Variants in ZNF804A observed in about 807,000 individuals in gnomAD.
The protein encoded by ZNF804A is zinc finger protein 804A.
Under a neutral mutation model 16.5 loss-of-function variants are expected in ZNF804A, and 2 were observed. That is an observed-to-expected ratio of 0.12 (90% CI 0.05 to 0.38). ZNF804A has a LOEUF of 0.38. Ranked by LOEUF, ZNF804A falls within the 10% of genes least tolerant of loss-of-function variation. ZNF804A has a pLI of 0.99. For synonymous variants in ZNF804A, 534 were observed against 489.6 expected (o/e 1.09, Z -1.20); for missense variants, 1,473 against 1,390.7 (o/e 1.06, Z -0.94).
intron 1 of ZNF804A, among the ~76,000 whole-genome samples, chr2:184,620,861 A>G (rs923915308): frequency 6.6e-6 from 1 of 151,762 alleles, no homozygotes; most frequent in Non-Finnish European, 1.5e-5. Context: ...TTATAATTTT[A>G]GTATACAAGG....
intron 1 of ZNF804A, among the ~76,000 whole-genome samples, chr2:184,681,515 A>G (rs1259488157): frequency 1.3e-5 from 2 of 152,202 alleles, no homozygotes; most frequent in Non-Finnish European, 2.9e-5. Flanking sequence ...TAATATAGCA[A>G]CTAAAAACAG....
chr2:184,692,450 C>G (rs892023467), intron 1 of ZNF804A, among the ~76,000 whole-genome samples: 1 of 152,152 alleles, frequency 6.6e-6, no homozygotes, highest in Non-Finnish European at 1.5e-5. Context: ...AAGAAATTAT[C>G]CAGTGGAAAT....
chr2:184,750,404 T>G (rs957205802), intron 1 of ZNF804A, among the ~76,000 whole-genome samples: 4 of 151,364 alleles, frequency 2.6e-5, no homozygotes, highest in Non-Finnish European at 5.9e-5. Context: ...TTTGAAAAAG[T>G]TGATTGGTTT....
At chr2:184,856,515 C>T (rs1190244219) in intron 1 of ZNF804A, among the ~76,000 whole-genome samples, 1 of 151,924 alleles carries the variant, frequency 6.6e-6, no homozygotes, top group Non-Finnish European at 1.5e-5. Context: ...TATTTTTTCA[C>T]TTTATAATAG....
chr2:184,875,248 A>T lies in ZNF804A; in HGVS notation c.255+8736A>T, dbSNP rs538117620. On this transcript the variant is annotated intron_variant, in intron 2 of 3. Transcript: ENST00000302277. ...TAGATATTTTTGCCCTTGGAATCTC[A>T]TGTGGAAATTTGATCCCTGATGTTG... Among the ~76,000 whole-genome samples the T allele has an allele frequency of 2.4e-4, 36 of 152,258 alleles. 1 individual carries two copies. Among genetic ancestry groups the T allele is most frequent in the African/African-American group, 7.2e-4 (30 of 41,572 alleles).
intron 1 of ZNF804A, among the ~76,000 whole-genome samples, chr2:184,675,363 C>T (rs1292468297): frequency 6.6e-6 from 1 of 151,742 alleles, no homozygotes; most frequent in Non-Finnish European, 1.5e-5. Flanking sequence ...ATAAATTTGA[C>T]TTACTTTTGT....
intron 2 of ZNF804A, among the ~76,000 whole-genome samples, chr2:184,898,315 T>A (rs1417493534): frequency 6.6e-6 from 1 of 152,126 alleles, no homozygotes; most frequent in Non-Finnish European, 1.5e-5. Context: ...TAATAGTGAA[T>A]ATAACAGTGA....
intron 1 of ZNF804A, among the ~76,000 whole-genome samples, chr2:184,781,029 T>C (rs1694364388): frequency 6.6e-6 from 1 of 151,716 alleles, no homozygotes. Context: ...TTCCGAGTCC[T>C]TGTGCTTCTC....
intron 1 of ZNF804A, among the ~76,000 whole-genome samples, chr2:184,793,416 C>A (rs1185180034): frequency 6.6e-6 from 1 of 152,108 alleles, no homozygotes; most frequent in East Asian, 1.9e-4. Flanking sequence ...TGCCTTTCCT[C>A]TGCAACCTCT....
At position 184,937,288 on chromosome 2, in the gene ZNF804A, G is replaced by T; in HGVS notation, c.1892G>T (p.Gly631Val). ...GAGAATAGTTACACTGAAAATGCTG[G>T]GAAATATCTATTGGAACCAATTTCA... ...EAENSYTENA[G>V]KYLLEPISEK... Residue 631 changes from glycine to valine, a missense_variant, in exon 4 of 4, where the codon GGG becomes GTG. Transcript: ENST00000302277. 1 of 1,613,868 alleles carries T rather than the reference G, an allele frequency of 6.2e-7. No homozygotes were observed. The highest frequency in any genetic ancestry group is 8.5e-7 in the Non-Finnish European group (1 of 1,179,914).
At chr2:184,625,662 G>A (rs1018055540) in intron 1 of ZNF804A, among the ~76,000 whole-genome samples, 1 of 151,990 alleles carries the variant, frequency 6.6e-6, no homozygotes, top group African/African-American at 2.4e-5. Flanking sequence ...AAAGCAGAGT[G>A]GGATGGATTA....
chr2:184,673,776 A>G (rs2105714257), intron 1 of ZNF804A, among the ~76,000 whole-genome samples: 1 of 152,334 alleles, frequency 6.6e-6, no homozygotes, highest in East Asian at 1.9e-4. Flanking sequence ...TGGTAGCACC[A>G]CAATTTGTAG....
intron 2 of ZNF804A, among the ~76,000 whole-genome samples, chr2:184,924,763 G>C (rs1043153105): frequency 6.6e-6 from 1 of 151,636 alleles, no homozygotes; most frequent in Admixed American, 6.6e-5. Context: ...GATTAAAGAA[G>C]TGTTTCAATT....
At chr2:184,925,155 T>C (rs1468142450) in intron 2 of ZNF804A, among the ~76,000 whole-genome samples, 1 of 152,036 alleles carries the variant, frequency 6.6e-6, no homozygotes, top group East Asian at 1.9e-4. Context: ...CAGCTGTTAT[T>C]GTACTGAGGT....
At chr2:184,750,804 T>C (rs1693865800) in intron 1 of ZNF804A, among the ~76,000 whole-genome samples, 1 of 151,374 alleles carries the variant, frequency 6.6e-6, no homozygotes, top group South Asian at 2.1e-4. Flanking sequence ...CAAAACTTTG[T>C]CTTTTGCCTG....
chr2:184,607,003 G>A (rs1691157316), intron 1 of ZNF804A, among the ~76,000 whole-genome samples: 2 of 152,174 alleles, frequency 1.3e-5, no homozygotes, highest in Admixed American at 6.5e-5. Context: ...GGAAATAGAT[G>A]CATTGATGTT....
chr2:184,662,553 A>G (rs1692191103), intron 1 of ZNF804A, among the ~76,000 whole-genome samples: 2 of 152,180 alleles, frequency 1.3e-5, no homozygotes, highest in Non-Finnish European at 2.9e-5. Context: ...TTTGCTTATT[A>G]CTTATCTTAC....
rs536601713 is a variant in ZNF804A, at chr2:184,701,806, T to G, written c.111+102736T>G. 7.2e-5 allele frequency among the ~76,000 whole-genome samples: 11 copies of G among 152,050 alleles called. No individual in the cohort carries two copies. In the South Asian group the frequency reaches 2.3e-3, roughly 32 times the overall value. On this transcript the variant is annotated intron_variant, in intron 1 of 3. Transcript: ENST00000302277. ...CAGTAACAAATTACTACAATTAGAG[T>G]TAACTGAGTGTTGTTTTAAGGCCAC...
rs539900110 is a variant in ZNF804A, at chr2:184,781,093, C to A, written c.112-85276C>A. On this transcript the variant is annotated intron_variant, in intron 1 of 3. Transcript: ENST00000302277. ...TCTCATCCTTGGAGATTAGCAGAAG[C>A]CTTGCTCACTGATATTTAAATCTTG... Among the ~76,000 whole-genome samples, 7 of 151,772 alleles carry A rather than the reference C, an allele frequency of 4.6e-5. No individual in the cohort carries two copies. The South Asian group carries it at 1.2e-3, about 27-fold the overall frequency.
Sources: gnomAD v4.1 joint callset for allele counts (sites outside exome capture counted in the v4.1 genomes callset) on GRCh38, gnomAD v4.1.1 for gene constraint, MANE v1.5 for transcripts, NCBI Gene and HGNC (gene_info 2026-07-23, HGNC 2026-07-21) for gene names.